SCMH1: variants seen among roughly 807,000 people sequenced by gnomAD.
SCMH1 encodes Scm polycomb group protein homolog 1, also known as polycomb protein SCMH1.
SCMH1 carries 37 observed loss-of-function variants against 70.8 expected under a neutral mutation model. That is an observed-to-expected ratio of 0.52 (90% confidence interval 0.40 to 0.69). The LOEUF (loss-of-function observed/expected upper bound fraction) is 0.69, where lower values mean the gene tolerates loss of function less well. SCMH1 is among the 30% of genes least tolerant of loss of function. SCMH1 has a pLI of 0.00. For synonymous variants in SCMH1, 292 were observed against 307.4 expected, an observed-to-expected ratio of 0.95 and a Z score of 0.52; for missense variants, 607 against 827.3, an observed-to-expected ratio of 0.73 and a Z score of 3.27.
chr1:41,075,183 C>A, intron 9 of SCMH1, 36 bp downstream of exon 9: 2 of 1,603,838 alleles, frequency 1.2e-6, no homozygotes, highest in South Asian at 1.1e-5. Context: ...CTTTATAAAC[C>A]CTTATTCCTT....
chr1:41,117,124 A>G (rs1670658844), intron 6 of SCMH1, 114 bp from the exon 7 acceptor site: 1 of 549,346 alleles, frequency 1.8e-6, no homozygotes, highest in Non-Finnish European at 3.1e-6. Context: ...GAGCTCTTCC[A>G]GTATAATAAA....
intron 13 of SCMH1, among the ~76,000 whole-genome samples, chr1:41,034,307 G>C (rs1194955746): frequency 6.6e-6 from 1 of 151,800 alleles, no homozygotes; most frequent in Non-Finnish European, 1.5e-5. Context: ...TCTCTCCGCT[G>C]AGGTGACTTT....
intron 4 of SCMH1, among the ~76,000 whole-genome samples, chr1:41,156,083 G>T (rs1645514590): frequency 6.6e-6 from 1 of 150,846 alleles, no homozygotes; most frequent in Admixed American, 6.6e-5. Flanking sequence ...TAGCTATTTA[G>T]CTATTACTCA....
At chr1:41,054,945 A>G (rs889448556) in intron 10 of SCMH1, among the ~76,000 whole-genome samples, 1 of 152,058 alleles carries the variant, frequency 6.6e-6, no homozygotes, top group Non-Finnish European at 1.5e-5. Flanking sequence ...CATCATGCCC[A>G]ACTAATTTTT....
At chr1:41,220,322 G>A (rs1352430145) in intron 1 of SCMH1, among the ~76,000 whole-genome samples, 1 of 152,222 alleles carries the variant, frequency 6.6e-6, no homozygotes, top group Non-Finnish European at 1.5e-5. Context: ...CATGTGTTTA[G>A]AGGAAGTACA....
rs544497626 is a variant in SCMH1, at chr1:41,029,032, G to A, written c.1679-306C>T. ...GTAAGGGGACTATTTGGGTGTCTGG[G>A]GGGCCTGGTGAGTGGGGCTGTTTTT... On this transcript the variant is annotated intron_variant, in intron 13 of 14. Transcript: ENST00000337495. 1.1e-4 allele frequency among the ~76,000 whole-genome samples: 16 copies of A among 152,254 alleles called. No homozygotes were observed. In the South Asian group the frequency reaches 2.5e-3, roughly 24 times the overall value.
intron 10 of SCMH1, among the ~76,000 whole-genome samples, chr1:41,057,860 C>A (rs1464600552): frequency 6.6e-6 from 1 of 152,096 alleles, no homozygotes; most frequent in Non-Finnish European, 1.5e-5. Flanking sequence ...GGTACAGTGG[C>A]TCACACCTAG....
intron 5 of SCMH1, among the ~76,000 whole-genome samples, chr1:41,145,474 A>G (rs1350464230): frequency 6.6e-6 from 1 of 152,168 alleles, no homozygotes; most frequent in East Asian, 1.9e-4. Context: ...GCTTTGTAGT[A>G]AGTTTTGAAA....
At chr1:41,100,836 T>G (rs1666423892) in intron 8 of SCMH1, among the ~76,000 whole-genome samples, 1 of 152,186 alleles carries the variant, frequency 6.6e-6, no homozygotes, top group African/African-American at 2.4e-5. Context: ...AGTGCTGGGA[T>G]TACAAGCGTG....
intron 12 of SCMH1, among the ~76,000 whole-genome samples, chr1:41,038,611 A>G (rs1645649158): frequency 2.0e-5 from 3 of 152,206 alleles, no homozygotes; most frequent in Admixed American, 2.0e-4. Context: ...CTTGGCAACT[A>G]TGAGCTCAAA....
intron 4 of SCMH1, among the ~76,000 whole-genome samples, chr1:41,158,746 G>A (rs1452934084): frequency 6.6e-6 from 1 of 152,086 alleles, no homozygotes; most frequent in Non-Finnish European, 1.5e-5. Context: ...GGGTGATAGG[G>A]CTGGAGGCAA....
chr1:41,079,991 G>C (rs1659512183), intron 8 of SCMH1, among the ~76,000 whole-genome samples: 1 of 151,988 alleles, frequency 6.6e-6, no homozygotes, highest in African/African-American at 2.4e-5. Context: ...TTAGGTATAA[G>C]ATGTCCATTT....
At chr1:41,133,187 T>G (rs1025839736) in intron 6 of SCMH1, among the ~76,000 whole-genome samples, 53 of 152,136 alleles carry the variant, frequency 3.5e-4, no homozygotes, top group Admixed American at 3.4e-3. Flanking sequence ...TGGAATGTTC[T>G]TCCATTTGTT....
intron 2 of SCMH1, among the ~76,000 whole-genome samples, chr1:41,185,089 T>C (rs1026329838): frequency 1.1e-4 from 17 of 152,242 alleles, no homozygotes; most frequent in African/African-American, 3.6e-4. Context: ...ATTTGACATT[T>C]AAATTCCATT....
intron 10 of SCMH1, among the ~76,000 whole-genome samples, chr1:41,054,336 A>T (rs971781962): frequency 6.6e-6 from 1 of 152,178 alleles, no homozygotes; most frequent in Non-Finnish European, 1.5e-5. Context: ...TGAAAGTATC[A>T]CCTGGCTTCT....
At chr1:41,202,411 G>T (rs970131429) in intron 1 of SCMH1, among the ~76,000 whole-genome samples, 1 of 151,530 alleles carries the variant, frequency 6.6e-6, no homozygotes, top group Non-Finnish European at 1.5e-5. Context: ...TTTTGACCTA[G>T]TAATTCATCC....
intron 2 of SCMH1, among the ~76,000 whole-genome samples, chr1:41,162,430 T>G (rs1168236036): frequency 6.6e-6 from 1 of 151,906 alleles, no homozygotes. Context: ...CAGACTGGAG[T>G]GGGGACTTGT....
intron 4 of SCMH1, among the ~76,000 whole-genome samples, chr1:41,153,124 TC>T (rs1241454021): frequency 6.6e-6 from 1 of 152,244 alleles, no homozygotes; most frequent in Non-Finnish European, 1.5e-5. Context: ...TATTATTCCA[TC>T]CTTACAAATG....
At chr1:41,168,646 T>C (rs2148487541) in intron 2 of SCMH1, among the ~76,000 whole-genome samples, 1 of 151,468 alleles carries the variant, frequency 6.6e-6, no homozygotes, top group Non-Finnish European at 1.5e-5. Flanking sequence ...TTTTTTTTTT[T>C]TTTTTGGGAA....
Sources: gnomAD v4.1 joint callset for allele counts (sites outside exome capture counted in the v4.1 genomes callset) on GRCh38, gnomAD v4.1.1 for gene constraint, MANE v1.5 for transcripts, NCBI Gene and HGNC (gene_info 2026-07-23, HGNC 2026-07-21) for gene names.